PID1: variants seen among roughly 807,000 people sequenced by gnomAD.
PID1 encodes the protein phosphotyrosine interaction domain containing 1.
A neutral mutation model predicts 19.1 loss-of-function variants in PID1; 10 were observed. The ratio of observed to expected loss-of-function variants is 0.52; its 90% CI spans 0.32 to 0.89. PID1 has a LOEUF of 0.89. Among genes scored for constraint, PID1 ranks in the 40% least tolerant of loss-of-function variants. The probability of loss-of-function intolerance (pLI) is 0.03; values close to 1 mark genes in which losing one functional copy is unlikely to be tolerated. For missense variants in PID1, 248 were observed against 285.3 expected (o/e 0.87, Z 0.94); for synonymous variants, 130 against 116.0 (o/e 1.12, Z -0.78).
chr2:229,120,032 T>C (rs1695485888), intron 2 of PID1, among the ~76,000 whole-genome samples: 1 of 152,156 alleles, frequency 6.6e-6, no homozygotes, highest in Admixed American at 6.5e-5. Context: ...CACCAACTCT[T>C]CTGGTTCTAC....
At chr2:229,056,525 C>T (rs1260226623) in intron 2 of PID1, among the ~76,000 whole-genome samples, 1 of 151,144 alleles carries the variant, frequency 6.6e-6, no homozygotes, top group Admixed American at 6.6e-5. Context: ...AAGGCCTCAG[C>T]ATAATGTAGT....
At chr2:229,189,987 T>C (rs1262223020) in intron 1 of PID1, among the ~76,000 whole-genome samples, 1 of 152,228 alleles carries the variant, frequency 6.6e-6, no homozygotes, top group East Asian at 1.9e-4. Context: ...CTCAGTTTGA[T>C]GCCAGTATAC....
chr2:229,236,965 G>A (rs1264860085), intron 1 of PID1, among the ~76,000 whole-genome samples: 1 of 144,450 alleles, frequency 6.9e-6, no homozygotes, highest in East Asian at 2.0e-4. Flanking sequence ...CCTAGCATGC[G>A]GCCTTCTCCT....
At chr2:229,043,641 T>A (rs1693817691) in intron 2 of PID1, among the ~76,000 whole-genome samples, 2 of 152,230 alleles carry the variant, frequency 1.3e-5, no homozygotes, top group African/African-American at 4.8e-5. Context: ...TTCATTATTT[T>A]TCAAGAAGCA....
At chr2:229,226,558 C>G (rs748060712) in intron 1 of PID1, among the ~76,000 whole-genome samples, 1 of 152,154 alleles carries the variant, frequency 6.6e-6, no homozygotes, top group Non-Finnish European at 1.5e-5. Context: ...TTCCTATTAG[C>G]ACATTTGAGA....
intron 2 of PID1, among the ~76,000 whole-genome samples, chr2:229,066,944 G>A (rs191432650): frequency 3.3e-4 from 50 of 152,128 alleles, no homozygotes; most frequent in African/African-American, 9.9e-4. Context: ...ATATGCCATC[G>A]TTACTATCTT....
At chr2:229,178,894 G>A (rs1458797932) in intron 1 of PID1, among the ~76,000 whole-genome samples, 1 of 151,980 alleles carries the variant, frequency 6.6e-6, no homozygotes, top group Non-Finnish European at 1.5e-5. Context: ...AAGGAAGGAC[G>A]GAGGACACAT....
chr2:229,188,761 A>G (rs1270698014), intron 1 of PID1, among the ~76,000 whole-genome samples: 1 of 150,388 alleles, frequency 6.6e-6, no homozygotes, highest in Non-Finnish European at 1.5e-5. Context: ...AAAAAGAGAG[A>G]GAGAGAAGGA....
chr2:229,189,373 G>A (rs991111219), intron 1 of PID1, among the ~76,000 whole-genome samples: 1 of 152,172 alleles, frequency 6.6e-6, no homozygotes, highest in Non-Finnish European at 1.5e-5. Flanking sequence ...ATGGTGCTTG[G>A]CACTAGGAGC....
At chr2:229,191,861 C>T (rs1294414352) in intron 1 of PID1, among the ~76,000 whole-genome samples, 2 of 152,140 alleles carry the variant, frequency 1.3e-5, no homozygotes, top group Non-Finnish European at 2.9e-5. Context: ...TCCAATTTCA[C>T]TTTTACTACC....
intron 2 of PID1, among the ~76,000 whole-genome samples, chr2:229,076,404 A>G (rs1306421360): frequency 1.3e-5 from 2 of 149,668 alleles, no homozygotes; most frequent in Non-Finnish European, 3.0e-5. Context: ...TACTTTTTTT[A>G]TGATTATACT....
At chr2:229,088,525 C>G (rs1308279134) in intron 2 of PID1, among the ~76,000 whole-genome samples, 1 of 152,120 alleles carries the variant, frequency 6.6e-6, no homozygotes, top group African/African-American at 2.4e-5. Flanking sequence ...AATACATCTT[C>G]CTAACAGAAA....
At chr2:229,133,664 T>TGA (rs1689790974) in intron 2 of PID1, among the ~76,000 whole-genome samples, 1 of 152,236 alleles carries the variant, frequency 6.6e-6, no homozygotes, top group Non-Finnish European at 1.5e-5. Flanking sequence ...TCAACTGATT[T>TGA]GACCTCTTCC....
intron 2 of PID1, among the ~76,000 whole-genome samples, chr2:229,080,999 T>C (rs12612757): frequency 0.2 from 30,419 of 152,196 alleles, 3,944 homozygotes; most frequent in East Asian, 0.55. Flanking sequence ...TGGATGCTAG[T>C]GGCAAAGGAT....
At chr2:229,202,750 G>A (rs1380581626) in intron 1 of PID1, among the ~76,000 whole-genome samples, 1 of 152,088 alleles carries the variant, frequency 6.6e-6, no homozygotes, top group Non-Finnish European at 1.5e-5. Context: ...TTATAAGCTT[G>A]TAAGCGGAAA....
intron 2 of PID1, among the ~76,000 whole-genome samples, chr2:229,151,727 C>T (rs1690258142): frequency 6.6e-6 from 1 of 152,150 alleles, no homozygotes; most frequent in East Asian, 1.9e-4. Context: ...CCCACCACCA[C>T]GCCCGGCTAA....
intron 2 of PID1, among the ~76,000 whole-genome samples, chr2:229,132,862 G>A (rs944923996): frequency 2.0e-5 from 3 of 152,064 alleles, no homozygotes; most frequent in Admixed American, 1.3e-4. Context: ...ATACTTAGGC[G>A]AAAGATGAGA....
intron 1 of PID1, among the ~76,000 whole-genome samples, chr2:229,176,535 C>T (rs1278760121): frequency 6.6e-6 from 1 of 152,198 alleles, no homozygotes; most frequent in South Asian, 2.1e-4. Context: ...AAGATCTTTT[C>T]CTATAACATA....
chr2:229,079,792 G>A (rs1232574577), intron 2 of PID1, among the ~76,000 whole-genome samples: 1 of 152,200 alleles, frequency 6.6e-6, no homozygotes, highest in African/African-American at 2.4e-5. Context: ...GGGACCAAGG[G>A]GCTGAATCTA....
Sources: allele counts gnomAD v4.1 joint callset (sites outside exome capture counted in the v4.1 genomes callset), GRCh38; gene constraint gnomAD v4.1.1; transcripts MANE v1.5; gene names NCBI Gene and HGNC (gene_info 2026-07-23, HGNC 2026-07-21).